PCDH7: variants seen among roughly 807,000 people sequenced by gnomAD.
The protein encoded by PCDH7 is protocadherin-7.
Under a neutral mutation model 58.9 loss-of-function variants are expected in PCDH7, and 17 were observed. The observed-to-expected ratio is 0.29, with a 90% CI of 0.20 to 0.43. PCDH7 has a LOEUF of 0.43. Ranked by LOEUF, PCDH7 falls within the 20% of genes least tolerant of loss-of-function variation. PCDH7 has a pLI of 1.00. For missense variants in PCDH7, 1,274 were observed against 1,441.0 expected (o/e 0.88, Z 1.88); for synonymous variants, 664 against 616.4 (o/e 1.08, Z -1.14).
At chr4:31,131,495 G>T (rs1434854663) in intron 3 of PCDH7, among the ~76,000 whole-genome samples, 3 of 152,102 alleles carry the variant, frequency 2.0e-5, no homozygotes, top group African/African-American at 7.2e-5. Context: ...AGAGTAAGGA[G>T]CCAGCATTTC....
At chr4:31,133,258 C>T (rs1233662940) in intron 3 of PCDH7, among the ~76,000 whole-genome samples, 3 of 152,134 alleles carry the variant, frequency 2.0e-5, no homozygotes, top group Non-Finnish European at 4.4e-5. Context: ...TCTTGAACCC[C>T]ACAGAAACCA....
chr4:30,876,100 A>G (rs1030347633), intron 1 of PCDH7, among the ~76,000 whole-genome samples: 11 of 152,228 alleles, frequency 7.2e-5, no homozygotes, highest in South Asian at 2.1e-4. Context: ...TGAAATCTGA[A>G]TCAGCATTTT....
intron 1 of PCDH7, among the ~76,000 whole-genome samples, chr4:30,888,639 G>T (rs1444183789): frequency 6.6e-6 from 1 of 152,096 alleles, no homozygotes; most frequent in East Asian, 1.9e-4. Flanking sequence ...CAGGGCTGTG[G>T]TTTGGTTAAT....
intron 3 of PCDH7, among the ~76,000 whole-genome samples, chr4:31,132,508 C>T (rs1047307152): frequency 6.6e-6 from 1 of 151,988 alleles, no homozygotes; most frequent in African/African-American, 2.4e-5. Context: ...AGTTAATAAT[C>T]CAGTTACAGA....
chr4:30,752,091 C>A (rs1398593472), intron 1 of PCDH7, among the ~76,000 whole-genome samples: 2 of 152,018 alleles, frequency 1.3e-5, no homozygotes, highest in African/African-American at 4.8e-5. Context: ...CTCTTCCACG[C>A]TTCTTTACTT....
intron 3 of PCDH7, among the ~76,000 whole-genome samples, chr4:31,121,043 A>C (rs963497165): frequency 6.6e-6 from 1 of 152,180 alleles, no homozygotes; most frequent in Non-Finnish European, 1.5e-5. Context: ...CATGCCACTC[A>C]TAATGATAAC....
chr4:30,833,335 A>G (rs1010464130), intron 1 of PCDH7, among the ~76,000 whole-genome samples: 18 of 152,058 alleles, frequency 1.2e-4, no homozygotes, highest in African/African-American at 4.1e-4. Context: ...TTCAGCTTCT[A>G]GACATTGGCT....
intron 3 of PCDH7, among the ~76,000 whole-genome samples, chr4:30,965,016 T>C (rs1447094216): frequency 6.6e-6 from 1 of 152,222 alleles, no homozygotes; most frequent in African/African-American, 2.4e-5. Flanking sequence ...AAAGCACTTA[T>C]GGCATGCTCT....
intron 3 of PCDH7, among the ~76,000 whole-genome samples, chr4:31,014,964 C>G (rs1465747262): frequency 6.6e-6 from 1 of 152,102 alleles, no homozygotes; most frequent in Admixed American, 6.5e-5. Flanking sequence ...GAGAAATTCT[C>G]TTGCATGCAC....
At chr4:30,726,345 T>C (rs2109231825) in intron 1 of PCDH7, among the ~76,000 whole-genome samples, 1 of 152,208 alleles carries the variant, frequency 6.6e-6, no homozygotes, top group African/African-American at 2.4e-5. Flanking sequence ...TTCTGTCCTG[T>C]GTCTGGATAG....
At chr4:31,117,045 T>C (rs990322751) in intron 3 of PCDH7, among the ~76,000 whole-genome samples, 3 of 152,148 alleles carry the variant, frequency 2.0e-5, no homozygotes, top group Non-Finnish European at 4.4e-5. Context: ...TTTTGTATTT[T>C]ATCCAGCTAA....
intron 1 of PCDH7, among the ~76,000 whole-genome samples, chr4:30,775,524 A>C (rs993982574): frequency 6.6e-6 from 1 of 152,166 alleles, no homozygotes; most frequent in Non-Finnish European, 1.5e-5. Flanking sequence ...TAAGAATGAC[A>C]AATTTTGTTT....
intron 3 of PCDH7, among the ~76,000 whole-genome samples, chr4:31,052,591 G>A (rs141666377): frequency 2.0e-5 from 3 of 152,048 alleles, no homozygotes; most frequent in South Asian, 4.1e-4. Context: ...AATAAAAATG[G>A]CTCTTTAAGA....
At chr4:30,724,738 C>G (rs1714367944) in intron 1 of PCDH7, 142 bp downstream of exon 1, 4 of 1,447,984 alleles carry the variant, frequency 2.8e-6, no homozygotes, top group Non-Finnish European at 3.6e-6. Context: ...ATTTTTGCAC[C>G]ATTAATTTAG....
At chr4:31,141,075 T>C (rs796577817) in intron 3 of PCDH7, among the ~76,000 whole-genome samples, 15 of 152,352 alleles carry the variant, frequency 9.8e-5, no homozygotes, top group African/African-American at 3.6e-4. Flanking sequence ...CAAACATTAG[T>C]GGCGAGCCTT....
chr4:30,801,298 T>G (rs1263060028), intron 1 of PCDH7, among the ~76,000 whole-genome samples: 1 of 152,146 alleles, frequency 6.6e-6, no homozygotes, highest in Non-Finnish European at 1.5e-5. Flanking sequence ...AACAATTTAT[T>G]TACACTTAGT....
intron 2 of PCDH7, among the ~76,000 whole-genome samples, chr4:30,940,838 G>C (rs1266720995): frequency 6.6e-6 from 1 of 152,002 alleles, no homozygotes; most frequent in Non-Finnish European, 1.5e-5. Flanking sequence ...ATGTGCACAT[G>C]TACCTCGCTC....
chr4:30,906,044 A>G (rs960374610), intron 1 of PCDH7, among the ~76,000 whole-genome samples: 19 of 152,210 alleles, frequency 1.2e-4, no homozygotes, highest in Non-Finnish European at 4.4e-5. Context: ...AAGCTTAAGG[A>G]AACCTTGCCA....
At chr4:31,135,207 G>A (rs1719452601) in intron 3 of PCDH7, among the ~76,000 whole-genome samples, 1 of 151,960 alleles carries the variant, frequency 6.6e-6, no homozygotes, top group Admixed American at 6.6e-5. Flanking sequence ...TCTTTTAATG[G>A]AGCTGCTCCT....
Sources: gnomAD v4.1 joint callset for allele counts (sites outside exome capture counted in the v4.1 genomes callset) on GRCh38, gnomAD v4.1.1 for gene constraint, MANE v1.5 for transcripts, NCBI Gene and HGNC (gene_info 2026-07-23, HGNC 2026-07-21) for gene names.